CHN2: variants seen among roughly 807,000 people sequenced by gnomAD.
CHN2 encodes beta-chimaerin.
In CHN2, 35 loss-of-function variants were observed where a neutral mutation model predicts 56.3. The observed-to-expected ratio is 0.62, with a 90% CI of 0.47 to 0.82. The LOEUF is 0.82. Among genes scored for constraint, CHN2 ranks in the 40% least tolerant of loss-of-function variants. The pLI is 0.00. For synonymous variants in CHN2, 210 were observed against 212.8 expected (o/e 0.99, Z 0.12); for missense variants, 491 against 580.5 (o/e 0.85, Z 1.58).
chr7:29,483,989 T>C, intron 7 of CHN2: 1 of 709,968 alleles, frequency 1.4e-6, no homozygotes, highest in South Asian at 1.4e-5. Flanking sequence ...AGTATTCATT[T>C]GATGTTAGCA....
At chr7:29,283,853 G>A (rs558746129) in intron 1 of CHN2, among the ~76,000 whole-genome samples, 3 of 149,710 alleles carry the variant, frequency 2.0e-5, no homozygotes, top group South Asian at 2.1e-4. Flanking sequence ...TCCTGACCTC[G>A]TGATCCGCCT....
chr7:29,155,528 A>G (rs1401021987), intron 2 of CHN2, among the ~76,000 whole-genome samples: 1 of 152,208 alleles, frequency 6.6e-6, no homozygotes, highest in Non-Finnish European at 1.5e-5. Context: ...ACATGTGTCC[A>G]AGATCAAAGA....
Position 29,448,351 on chromosome 7 carries a change from T to A in CHN2, c.577-31928T>A, listed in dbSNP as rs139407225. 3.5e-3 allele frequency among the ~76,000 whole-genome samples: 538 copies of A among 152,264 alleles called. 4 individuals carry two copies. Among genetic ancestry groups the A allele is most frequent in the African/African-American group, 0.012 (507 of 41,548 alleles). On this transcript the variant is annotated intron_variant, in intron 6 of 12. Transcript: ENST00000222792. ...CAAAGTGGGTCCATTGATTTCTTAG[T>A]CGTTGGAAATGATCTTGACCTAGTC...
At chr7:29,252,914 T>C (rs1464080694) in intron 1 of CHN2, among the ~76,000 whole-genome samples, 2 of 152,220 alleles carry the variant, frequency 1.3e-5, no homozygotes, top group Non-Finnish European at 2.9e-5. Context: ...TGCATTCTTA[T>C]GCATCTTATA....
chr7:29,484,042 C>G, intron 7 of CHN2: 1 of 496,340 alleles, frequency 2.0e-6, no homozygotes, highest in Non-Finnish European at 3.9e-6. Flanking sequence ...ATTTTTGTAT[C>G]TAGCTTTTTC....
At chr7:29,160,208 A>G (rs1326873233) in intron 2 of CHN2, among the ~76,000 whole-genome samples, 4 of 152,198 alleles carry the variant, frequency 2.6e-5, no homozygotes, top group Non-Finnish European at 4.4e-5. Flanking sequence ...GATCTAAAAT[A>G]TGTACTGGCC....
chr7:29,263,304 G>A (rs1215646344), intron 1 of CHN2, among the ~76,000 whole-genome samples: 2 of 152,238 alleles, frequency 1.3e-5, no homozygotes, highest in Non-Finnish European at 2.9e-5. Context: ...TGCCGGGATT[G>A]CAGACGGAGT....
chr7:29,378,786 A>G (rs927952114), intron 3 of CHN2, among the ~76,000 whole-genome samples: 21 of 152,334 alleles, frequency 1.4e-4, no homozygotes, highest in African/African-American at 5.1e-4. Context: ...CAACATGGGG[A>G]AACCCCATCT....
At chr7:29,146,926 G>A (rs1366228860) in exon 2 of CHN2, 2 of 1,551,052 alleles carry the variant, frequency 1.3e-6, no homozygotes, top group African/African-American at 1.4e-5. Context: ...GGCAACACAC[G>A]TTCGCTGATG....
chr7:29,418,970 A>G (rs554910187), intron 6 of CHN2, among the ~76,000 whole-genome samples: 1 of 152,272 alleles, frequency 6.6e-6, no homozygotes, highest in South Asian at 2.1e-4. Flanking sequence ...ATTCTGATGA[A>G]CTGAAATTCT....
At chr7:29,414,283 A>G (rs1282948322) in intron 6 of CHN2, among the ~76,000 whole-genome samples, 1 of 152,174 alleles carries the variant, frequency 6.6e-6, no homozygotes, top group East Asian at 1.9e-4. Flanking sequence ...GAACTCTGGG[A>G]TTGTAAAATG....
At chr7:29,323,554 G>T (rs1795533872) in intron 1 of CHN2, among the ~76,000 whole-genome samples, 1 of 152,258 alleles carries the variant, frequency 6.6e-6, no homozygotes, top group East Asian at 1.9e-4. Flanking sequence ...GTGCTTAATA[G>T]ACATGAGGCC....
chr7:29,498,506 C>T (rs2128574070), intron 8 of CHN2, among the ~76,000 whole-genome samples: 1 of 152,146 alleles, frequency 6.6e-6, no homozygotes, highest in Non-Finnish European at 1.5e-5. Flanking sequence ...ATAAAAATTA[C>T]ATGAAAATCA....
chr7:29,373,501 A>G (rs182189617), intron 3 of CHN2, among the ~76,000 whole-genome samples: 7 of 152,252 alleles, frequency 4.6e-5, no homozygotes, highest in Non-Finnish European at 7.4e-5. Context: ...AAGTTGGAGT[A>G]GTATCTCACT....
At chr7:29,180,250 G>A (rs1159288975) in intron 2 of CHN2, among the ~76,000 whole-genome samples, 1 of 152,190 alleles carries the variant, frequency 6.6e-6, no homozygotes, top group Non-Finnish European at 1.5e-5. Context: ...TCTAGGCCGG[G>A]TGTGGTGGCT....
intron 1 of CHN2, among the ~76,000 whole-genome samples, chr7:29,316,625 A>G (rs184762805): frequency 9.8e-5 from 15 of 152,332 alleles, no homozygotes; most frequent in Admixed American, 7.8e-4. Flanking sequence ...TCCATGGCTT[A>G]TACTAAAAGC....
chr7:29,180,746 T>A (rs899047161), intron 2 of CHN2, among the ~76,000 whole-genome samples: 1 of 152,174 alleles, frequency 6.6e-6, no homozygotes, highest in African/African-American at 2.4e-5. Context: ...GTCCAGTGAT[T>A]AAGAGCTCAG....
At chr7:29,361,979 C>G (rs1196585786) in intron 2 of CHN2, among the ~76,000 whole-genome samples, 1 of 152,196 alleles carries the variant, frequency 6.6e-6, no homozygotes, top group Non-Finnish European at 1.5e-5. Context: ...CATGTCTGAT[C>G]CCTCTTTCAG....
chr7:29,223,439 CA>C (rs1425755823), intron 1 of CHN2, among the ~76,000 whole-genome samples: 1 of 152,170 alleles, frequency 6.6e-6, no homozygotes, highest in African/African-American at 2.4e-5. Context: ...CTCCCCATAT[CA>C]ATCACTATGC....
Sources: allele counts gnomAD v4.1 joint callset (sites outside exome capture counted in the v4.1 genomes callset), GRCh38; gene constraint gnomAD v4.1.1; transcripts MANE v1.5; gene names NCBI Gene and HGNC (gene_info 2026-07-23, HGNC 2026-07-21).